FSHR: variants seen among roughly 807,000 people sequenced by gnomAD.
FSHR encodes the protein follicle-stimulating hormone receptor.
FSHR carries 46 observed loss-of-function variants against 52.1 expected under a neutral mutation model. The observed-to-expected ratio is 0.88, with a 90% CI of 0.70 to 1.13. FSHR has a LOEUF of 1.13. Among genes scored for constraint, FSHR ranks in the 50% most tolerant of loss-of-function variants. The pLI, the probability that FSHR is intolerant of heterozygous loss-of-function variation, is 0.00. For synonymous variants in FSHR, 399 were observed against 309.6 expected, an observed-to-expected ratio of 1.29 and a Z score of -3.03; for missense variants, 964 against 834.6, an observed-to-expected ratio of 1.16 and a Z score of -1.91.
intron 1 of FSHR, among the ~76,000 whole-genome samples, chr2:49,113,612 C>A (rs910374011): frequency 1.3e-5 from 2 of 152,036 alleles, no homozygotes; most frequent in African/African-American, 2.4e-5. Flanking sequence ...TACTTTAACC[C>A]GTGAGAACAA....
rs540280494 is a variant in FSHR, at chr2:49,117,160, T to G, written c.152+37106A>C. 4.6e-5 allele frequency among the ~76,000 whole-genome samples: 7 copies of G among 152,318 alleles called. No homozygotes were observed. The South Asian group carries it at 1.4e-3, about 32-fold the overall frequency. On this transcript the variant is annotated intron_variant, in intron 1 of 9. Coordinates refer to ENST00000406846, the MANE Select transcript of FSHR (RefSeq NM_000145.4). ...TTCACAGGAGAAGTCTACTTCTGTT[T>G]TAGATTACAAAACAAATCACTGAGG...
chr2:49,137,926 A>G (rs1486205265), intron 1 of FSHR, among the ~76,000 whole-genome samples: 1 of 152,170 alleles, frequency 6.6e-6, no homozygotes, highest in Non-Finnish European at 1.5e-5. Context: ...CAAAAGCACA[A>G]AAAAAGAATA....
intron 2 of FSHR, among the ~76,000 whole-genome samples, chr2:49,021,863 C>CTCTCTCTCTA (rs1467766420): frequency 2.4e-4 from 12 of 49,862 alleles, no homozygotes; most frequent in African/African-American, 8.2e-4. Flanking sequence ...CTCTCTCTCT[C>CTCTCTCTCTA]TATATATATA....
intron 3 of FSHR, among the ~76,000 whole-genome samples, chr2:49,019,780 C>G (rs1175960464): frequency 6.6e-6 from 1 of 152,156 alleles, no homozygotes; most frequent in South Asian, 2.1e-4. Flanking sequence ...TGGGCTTTGA[C>G]TGGAATAACT....
chr2:49,150,854 C>T (rs1381924267), intron 1 of FSHR, among the ~76,000 whole-genome samples: 1 of 152,012 alleles, frequency 6.6e-6, no homozygotes, highest in Non-Finnish European at 1.5e-5. Flanking sequence ...AGTCCATGGG[C>T]CAAATTTGGC....
rs769052575 is a variant in FSHR, at chr2:48,983,113, G to A, written c.578C>T (p.Thr193Ile). 7.4e-6 allele frequency: 12 copies of A among 1,614,032 alleles called. No individual in the cohort carries two copies. Among genetic ancestry groups the A allele is most frequent in the Non-Finnish European group, 1.0e-5 (12 of 1,179,958 alleles). The part of the protein sequence containing the change: ...QEIHNCAFNG[T>I]QLDELNLSDN... ...GGCTACTTACAGCTCATCTAGTTGG[G>A]TTCCATTGAATGCACAGTTGTGTAT... Residue 193 changes from threonine (T) to isoleucine (I), a missense_variant, in exon 7 of 10, where the codon ACC becomes ATC. Transcript: ENST00000406846.
intron 1 of FSHR, among the ~76,000 whole-genome samples, chr2:49,071,788 C>T (rs1049740108): frequency 2.7e-5 from 4 of 147,472 alleles, no homozygotes; most frequent in Admixed American, 6.9e-5. Context: ...ACAGGCATCA[C>T]GTGGCAACGG....
At chr2:48,966,003 G>T (rs1312388390) in intron 9 of FSHR, among the ~76,000 whole-genome samples, 2 of 152,194 alleles carry the variant, frequency 1.3e-5, no homozygotes, top group Non-Finnish European at 2.9e-5. Context: ...GCATAGCAGT[G>T]TCGCAGAGCC....
intron 1 of FSHR, among the ~76,000 whole-genome samples, chr2:49,126,124 TA>T (rs1432899763): frequency 6.6e-6 from 1 of 152,212 alleles, no homozygotes; most frequent in African/African-American, 2.4e-5. Context: ...GAAGGTGTCT[TA>T]ATCTCTTTTG....
At position 49,154,494 on chromosome 2, in the gene FSHR, G is replaced by A. The variant is rs538437600; in HGVS notation, c.-77C>T. Reference sequence around the variant, plus strand: ...CCACAGATCTCAGAAGCTCCACACAGTGCCCTTATGAGAAGAGATCTGACT... The same window carrying A: ...CCACAGATCTCAGAAGCTCCACACAATGCCCTTATGAGAAGAGATCTGACT... On this transcript the variant is annotated 5_prime_UTR_variant, in exon 1 of 10. Coordinates refer to ENST00000406846, the MANE Select transcript of FSHR (RefSeq NM_000145.4). The A allele has an allele frequency of 2.7e-5, 40 of 1,468,194 alleles. No homozygotes were observed. The African/African-American group carries it at 5.6e-4, about 21-fold the overall frequency. The allele number at this position is 1,468,194 out of a possible 1,614,324, so 90.9% of individuals were successfully genotyped here. A position where few individuals can be genotyped will look rare whatever the true frequency, so the allele number is the denominator to read the frequency against.
intron 1 of FSHR, among the ~76,000 whole-genome samples, chr2:49,085,586 C>G (rs978878101): frequency 6.6e-6 from 1 of 152,134 alleles, no homozygotes; most frequent in African/African-American, 2.4e-5. Context: ...ACTAGAAATA[C>G]CATTTGACCC....
At chr2:48,981,918 C>T (rs1431643323) in intron 8 of FSHR, among the ~76,000 whole-genome samples, 1 of 152,148 alleles carries the variant, frequency 6.6e-6, no homozygotes, top group East Asian at 1.9e-4. Flanking sequence ...TTAAGGCAGG[C>T]TACATAAGGA....
At chr2:49,043,248 G>C (rs549092257) in intron 2 of FSHR, among the ~76,000 whole-genome samples, 3 of 139,902 alleles carry the variant, frequency 2.1e-5, no homozygotes, top group Non-Finnish European at 4.7e-5. Flanking sequence ...CCCAGGTGTG[G>C]TTTGCCACTT....
chr2:49,127,797 T>C (rs559886878), intron 1 of FSHR, among the ~76,000 whole-genome samples: 20 of 56,868 alleles, frequency 3.5e-4, no homozygotes, highest in African/African-American at 1.1e-3. Context: ...CTTCTTCTTC[T>C]TCTTCTTCTT....
At chr2:49,112,598 T>A (rs1008322119) in intron 1 of FSHR, among the ~76,000 whole-genome samples, 1 of 152,192 alleles carries the variant, frequency 6.6e-6, no homozygotes, top group Admixed American at 6.5e-5. Context: ...GTCTTTGAAG[T>A]CTTTAAGCAG....
chr2:49,087,504 C>A (rs887299678), intron 1 of FSHR, among the ~76,000 whole-genome samples: 1 of 152,102 alleles, frequency 6.6e-6, no homozygotes, highest in Admixed American at 6.5e-5. Flanking sequence ...ATAAAAAAGA[C>A]GAAGTATCTG....
chr2:49,053,891 G>T (rs943561672), intron 2 of FSHR, among the ~76,000 whole-genome samples: 6 of 152,062 alleles, frequency 3.9e-5, no homozygotes, highest in Non-Finnish European at 7.4e-5. Context: ...AGTATTAAGG[G>T]CCTTGACAAC....
chr2:49,063,910 T>G (rs1384678210), intron 2 of FSHR, among the ~76,000 whole-genome samples: 4 of 152,174 alleles, frequency 2.6e-5, no homozygotes, highest in Non-Finnish European at 5.9e-5. Flanking sequence ...CCAATGTATA[T>G]ATGTATCAAA....
rs780241333 is a variant in FSHR at position 48,963,923 on chromosome 2, C to T, written c.898G>A (p.Glu300Lys). ...CTAGCCTGAGTCATATAATCAACTTCTTGCCTTAAAATAGATTTGTTGCAA... is the reference window on the plus strand; with the variant it reads ...CTAGCCTGAGTCATATAATCAACTTTTTGCCTTAAAATAGATTTGTTGCAA... ...PICNKSILRQEVDYMTQARGQ... is the reference protein window; with the variant it reads ...PICNKSILRQKVDYMTQARGQ... The change falls in exon 10 of 10, where the codon GAA becomes AAA. Residue 300 changes from glutamate (E) to lysine (K), a missense_variant. Glu to Lys is a moderately conservative substitution (Grantham distance 56). Coordinates refer to ENST00000406846, the MANE Select transcript of FSHR (RefSeq NM_000145.4). 12 of 1,613,812 alleles carry T rather than the reference C, an allele frequency of 7.4e-6. No homozygotes were observed. Among genetic ancestry groups the T allele is most frequent in the African/African-American group, 1.3e-5 (1 of 74,916 alleles).
Sources: allele counts gnomAD v4.1 joint callset (sites outside exome capture counted in the v4.1 genomes callset), GRCh38; gene constraint gnomAD v4.1.1; transcripts MANE v1.5; gene names NCBI Gene and HGNC (gene_info 2026-07-23, HGNC 2026-07-21).